The following RAB10 variants were observed in gnomAD, a reference collection of about 807,000 sequenced individuals.
RAB10 encodes RAB10, member RAS oncogene family.
A neutral mutation model predicts 25.7 loss-of-function variants in RAB10; 5 were observed. The observed-to-expected ratio is 0.19, with a 90% CI of 0.10 to 0.41. The LOEUF (loss-of-function observed/expected upper bound fraction) is 0.41, where lower values mean the gene tolerates loss of function less well. Among genes scored for constraint, RAB10 ranks in the 10% least tolerant of loss-of-function variants. The pLI, the probability that RAB10 is intolerant of heterozygous loss-of-function variation, is 1.00. For missense variants in RAB10, 103 were observed against 245.8 expected (o/e 0.42, Z 3.89); for synonymous variants, 89 against 86.4 (o/e 1.03, Z -0.16).
chr2:26,080,389 G>T (rs1383579123), intron 1 of RAB10, among the ~76,000 whole-genome samples: 1 of 151,960 alleles, frequency 6.6e-6, no homozygotes, highest in Admixed American at 6.6e-5. Flanking sequence ...AAAATCAGTG[G>T]GCAAAAATAT....
chr2:26,071,766 C>G (rs1666631452), intron 1 of RAB10, among the ~76,000 whole-genome samples: 1 of 151,638 alleles, frequency 6.6e-6, no homozygotes, highest in Non-Finnish European at 1.5e-5. Context: ...ACCCAAGAGG[C>G]TGAAGCGGGA....
At chr2:26,108,883 T>A (rs955848824) in intron 2 of RAB10, among the ~76,000 whole-genome samples, 68 of 9,020 alleles carry the variant, frequency 7.5e-3, no homozygotes, top group Middle Eastern at 0.056. Context: ...TGCTTTATAT[T>A]TATTTATTTA....
chr2:26,085,488 CAAAA>C lies in RAB10; in HGVS notation c.128-13159_128-13156del, dbSNP rs530578914. Reference sequence around the variant, plus strand: ...TGGGTGGCAGAGCAAGACTGTGTCTCAAAAAAAAAAAAAAAAAAGTTATGCAAAA... The same window carrying C: ...TGGGTGGCAGAGCAAGACTGTGTCTCAAAAAAAAAAAAAAGTTATGCAAAA... On this transcript the variant is annotated intron_variant, in intron 1 of 5. Transcript: ENST00000264710. 4.5e-3 allele frequency among the ~76,000 whole-genome samples: 365 copies of C among 81,702 alleles called. 4 individuals are homozygous for C. Among genetic ancestry groups the C allele is most frequent in the African/African-American group, 0.016 (348 of 22,032 alleles). The allele number at this position is 81,702 out of a possible 152,430, so 53.6% of individuals were successfully genotyped here.
chr2:26,090,676 G>A (rs545688524), intron 1 of RAB10, among the ~76,000 whole-genome samples: 3 of 151,128 alleles, frequency 2.0e-5, no homozygotes, highest in Non-Finnish European at 4.4e-5. Context: ...GCTCATGTTT[G>A]TAATCCCAGC....
chr2:26,087,183 G>A (rs929580363), intron 1 of RAB10, among the ~76,000 whole-genome samples: 13 of 152,162 alleles, frequency 8.5e-5, no homozygotes, highest in African/African-American at 3.1e-4. Flanking sequence ...AAGCATGCAT[G>A]GTATGAATCA....
chr2:26,127,873 G>A lies in RAB10; in HGVS notation c.441G>A (p.Arg147=). The change falls in exon 5 of 6, where the codon AGG becomes AGA. Residue 147 remains arginine (R), a synonymous_variant. Coordinates refer to ENST00000264710, the MANE Select transcript of RAB10 (RefSeq NM_016131.5). ...GEQIAREHGI[R]FFETSAKANI... ...AGATTGCAAGGGAGCATGGTATTAG[G>A]TTTTTTGAGACTAGTGCAAAAGCAA... is the stretch of plus-strand genomic sequence containing the variant. 6.2e-7 allele frequency: 1 copy of A among 1,606,602 alleles called. No individual in the cohort carries two copies. The highest frequency in any genetic ancestry group is 8.5e-7 in the Non-Finnish European group (1 of 1,173,154).
intron 1 of RAB10, among the ~76,000 whole-genome samples, chr2:26,094,879 T>C (rs1236266154): frequency 6.6e-6 from 1 of 152,178 alleles, no homozygotes; most frequent in Non-Finnish European, 1.5e-5. Context: ...ATTTTAATCA[T>C]GTTAAGTAAT....
chr2:26,097,639 A>G (rs575959795), intron 1 of RAB10, among the ~76,000 whole-genome samples: 38 of 152,318 alleles, frequency 2.5e-4, no homozygotes, highest in Middle Eastern at 6.8e-3. Flanking sequence ...CTCTTGATAC[A>G]TACTCAGTCT....
At chr2:26,094,247 T>G (rs1418939686) in intron 1 of RAB10, among the ~76,000 whole-genome samples, 2 of 150,906 alleles carry the variant, frequency 1.3e-5, no homozygotes, top group African/African-American at 4.9e-5. Flanking sequence ...CATCTCATTT[T>G]TTCACTTCAT....
intron 3 of RAB10, among the ~76,000 whole-genome samples, chr2:26,123,970 T>C (rs1667855201): frequency 6.6e-6 from 1 of 152,154 alleles, no homozygotes; most frequent in South Asian, 2.1e-4. Flanking sequence ...CCCCTCCTCT[T>C]TCTCCTCCTC....
chr2:26,048,677 C>G (rs559371120), intron 1 of RAB10, among the ~76,000 whole-genome samples: 252 of 152,172 alleles, frequency 1.7e-3, no homozygotes, highest in Non-Finnish European at 3.0e-3. Flanking sequence ...TTGTTTGAGA[C>G]TAGCTTGGGC....
At chr2:26,083,798 C>T (rs188806304) in intron 1 of RAB10, among the ~76,000 whole-genome samples, 16 of 152,154 alleles carry the variant, frequency 1.1e-4, no homozygotes, top group African/African-American at 3.4e-4. Flanking sequence ...GGATTACAGG[C>T]GTGAGCAGCT....
intron 5 of RAB10, among the ~76,000 whole-genome samples, chr2:26,129,885 T>G (rs1251931838): frequency 6.6e-6 from 1 of 152,206 alleles, no homozygotes; most frequent in African/African-American, 2.4e-5. Flanking sequence ...CATAGTGTAT[T>G]GAGTGATAAA....
intron 2 of RAB10, among the ~76,000 whole-genome samples, chr2:26,107,291 A>C (rs561201744): frequency 1.1e-4 from 16 of 151,874 alleles, no homozygotes; most frequent in African/African-American, 3.9e-4. Context: ...TCTTAGACAT[A>C]ACACTAAACA....
chr2:26,117,448 C>G (rs1032732188), intron 3 of RAB10, among the ~76,000 whole-genome samples: 1 of 151,862 alleles, frequency 6.6e-6, no homozygotes, highest in Non-Finnish European at 1.5e-5. Context: ...CCCGTCTCTA[C>G]TAAAATAAGA....
intron 1 of RAB10, among the ~76,000 whole-genome samples, chr2:26,053,153 G>T (rs767699950): frequency 6.6e-6 from 1 of 152,172 alleles, no homozygotes; most frequent in Non-Finnish European, 1.5e-5. Context: ...GACTTCAAAT[G>T]ATTTTTGACT....
At chr2:26,126,895 G>A (rs1667919284) in intron 3 of RAB10, among the ~76,000 whole-genome samples, 1 of 152,192 alleles carries the variant, frequency 6.6e-6, no homozygotes, top group Admixed American at 6.5e-5. Flanking sequence ...AACATACCTA[G>A]AAAGTAGACA....
chr2:26,094,587 T>G (rs2149278718), intron 1 of RAB10, among the ~76,000 whole-genome samples: 1 of 150,884 alleles, frequency 6.6e-6, no homozygotes, highest in East Asian at 2.0e-4. Context: ...GAGACATAGC[T>G]TTGCACTGTT....
intron 3 of RAB10, among the ~76,000 whole-genome samples, chr2:26,113,859 G>A (rs1667630820): frequency 6.6e-6 from 1 of 151,270 alleles, no homozygotes; most frequent in Non-Finnish European, 1.5e-5. Flanking sequence ...CATATACCCA[G>A]AAAACTCTTA....
Sources: gnomAD v4.1 joint callset for allele counts (sites outside exome capture counted in the v4.1 genomes callset) on GRCh38, gnomAD v4.1.1 for gene constraint, MANE v1.5 for transcripts, NCBI Gene and HGNC (gene_info 2026-07-23, HGNC 2026-07-21) for gene names.